The following LCMT1 variants were observed in gnomAD, a reference collection of about 807,000 sequenced individuals.
The protein encoded by LCMT1 is [Phosphatase 2A protein]-leucine-carboxy methyltransferase 1.
A neutral mutation model predicts 47.7 loss-of-function variants in LCMT1; 32 were observed. That is an observed-to-expected ratio of 0.67 (90% CI 0.51 to 0.90). LCMT1 has a LOEUF of 0.90. Among genes scored for constraint, LCMT1 ranks in the 40% least tolerant of loss-of-function variants. The pLI is 0.00. For synonymous variants in LCMT1, 152 were observed against 149.7 expected (o/e 1.02, Z -0.11); for missense variants, 375 against 415.2 (o/e 0.90, Z 0.84).
At chr16:25,150,752 T>G (rs1201502717) in intron 4 of LCMT1, among the ~76,000 whole-genome samples, 1 of 152,100 alleles carries the variant, frequency 6.6e-6, no homozygotes, top group Non-Finnish European at 1.5e-5. Flanking sequence ...AAACATTAAG[T>G]GTTTCAGCTG....
intron 2 of LCMT1, 24 bp downstream of exon 2, chr16:25,128,590 A>G (rs948207041): frequency 2.0e-5 from 31 of 1,524,588 alleles, no homozygotes; most frequent in Non-Finnish European, 2.7e-5. Context: ...TCCCTCCCCA[A>G]CAGCACCTCA....
rs139561054 is a variant in LCMT1, at chr16:25,169,729, G to A, written c.792+516G>A. ...TCATAGCATTTAATGCCCAGTTCAT[G>A]TTCAGTTTCCCCAGTTGTTTAAAAA... On this transcript the variant is annotated intron_variant, in intron 8 of 10. Coordinates refer to ENST00000399069, the MANE Select transcript of LCMT1 (RefSeq NM_016309.3). 5.1e-3 allele frequency among the ~76,000 whole-genome samples: 775 copies of A among 151,404 alleles called. 5 individuals carry two copies. The highest frequency in any genetic ancestry group is 0.018 in the African/African-American group (733 of 41,266).
At chr16:25,153,841 T>A (rs1331877340) in intron 5 of LCMT1, among the ~76,000 whole-genome samples, 1 of 151,702 alleles carries the variant, frequency 6.6e-6, no homozygotes, top group Non-Finnish European at 1.5e-5. Flanking sequence ...TAATCCCAGC[T>A]ATTTGGGAAG....
chr16:25,116,468 C>T (rs755960369), intron 1 of LCMT1, among the ~76,000 whole-genome samples: 3 of 151,984 alleles, frequency 2.0e-5, no homozygotes, highest in Non-Finnish European at 4.4e-5. Context: ...GTGGTCTGCG[C>T]GATTGTTTAT....
intron 10 of LCMT1, among the ~76,000 whole-genome samples, chr16:25,177,134 G>A (rs528420460): frequency 1.2e-5 from 1 of 86,046 alleles, no homozygotes; most frequent in Non-Finnish European, 2.7e-5. Flanking sequence ...GAGCTGAGAT[G>A]GCACCACTGT....
chr16:25,127,634 A>G (rs1196913675), intron 1 of LCMT1, among the ~76,000 whole-genome samples: 2 of 152,256 alleles, frequency 1.3e-5, no homozygotes, highest in Non-Finnish European at 2.9e-5. Context: ...AAATGGGGGC[A>G]TTACTCAGGG....
intron 5 of LCMT1, among the ~76,000 whole-genome samples, chr16:25,152,228 T>A (rs2141683508): frequency 6.6e-6 from 1 of 152,172 alleles, no homozygotes; most frequent in Non-Finnish European, 1.5e-5. Flanking sequence ...GGCAGTTGGG[T>A]TGGATGACAG....
chr16:25,158,276 C>G (rs1961320455), intron 5 of LCMT1, among the ~76,000 whole-genome samples: 1 of 152,222 alleles, frequency 6.6e-6, no homozygotes, highest in South Asian at 2.1e-4. Context: ...CTCAGCCTCT[C>G]AAGTAGCTGG....
intron 4 of LCMT1, chr16:25,145,007 C>G (rs1401830078): frequency 6.6e-6 from 1 of 152,164 alleles, no homozygotes; most frequent in Admixed American, 6.5e-5. Flanking sequence ...CTTTCTTCCC[C>G]CTTTTGGGTC....
chr16:25,153,354 G>A (rs1961136755), intron 5 of LCMT1, among the ~76,000 whole-genome samples: 1 of 152,244 alleles, frequency 6.6e-6, no homozygotes, highest in African/African-American at 2.4e-5. Flanking sequence ...GAAGTTTGAG[G>A]TTGAGGGGCC....
intron 7 of LCMT1, among the ~76,000 whole-genome samples, chr16:25,164,947 A>G (rs7342773): frequency 0.014 from 2,108 of 152,272 alleles, 46 homozygotes; most frequent in African/African-American, 0.048. Context: ...AAGATTTTCA[A>G]GTTCTTATTT....
At chr16:25,124,322 C>T (rs905041561) in intron 1 of LCMT1, among the ~76,000 whole-genome samples, 1 of 152,168 alleles carries the variant, frequency 6.6e-6, no homozygotes, top group Admixed American at 6.5e-5. Context: ...ATCATTTAAG[C>T]AACTCAGGTG....
intron 3 of LCMT1, among the ~76,000 whole-genome samples, chr16:25,135,307 A>G (rs1045324933): frequency 1.3e-5 from 2 of 150,900 alleles, no homozygotes; most frequent in African/African-American, 4.9e-5. Flanking sequence ...ATATATATAT[A>G]TAACATTTGT....
chr16:25,171,626 A>T (rs573321110), intron 9 of LCMT1, among the ~76,000 whole-genome samples: 1 of 152,340 alleles, frequency 6.6e-6, no homozygotes, highest in Admixed American at 6.5e-5. Context: ...GAAATTTTAC[A>T]TAATCCCTGC....
intron 5 of LCMT1, among the ~76,000 whole-genome samples, chr16:25,156,349 T>C (rs576204375): frequency 6.6e-6 from 1 of 152,362 alleles, no homozygotes; most frequent in South Asian, 2.1e-4. Flanking sequence ...CTGTAATCTC[T>C]GCACCAAGAG....
chr16:25,120,183 A>C (rs1226682999), intron 1 of LCMT1, among the ~76,000 whole-genome samples: 2 of 151,322 alleles, frequency 1.3e-5, no homozygotes, highest in African/African-American at 2.4e-5. Context: ...AAAAAACCCC[A>C]AAAAACCTTG....
intron 7 of LCMT1, among the ~76,000 whole-genome samples, chr16:25,165,984 C>T (rs1961576744): frequency 2.0e-5 from 3 of 151,778 alleles, no homozygotes; most frequent in East Asian, 3.9e-4. Flanking sequence ...TTGTTTTGAA[C>T]TGGGTGGGTG....
chr16:25,133,222 T>C (rs2141652368), intron 3 of LCMT1, among the ~76,000 whole-genome samples: 1 of 152,136 alleles, frequency 6.6e-6, no homozygotes, highest in Non-Finnish European at 1.5e-5. Context: ...TGGGTAAAAT[T>C]TGGAGATTCA....
intron 9 of LCMT1, 162 bp from the exon 10 acceptor site, chr16:25,174,775 G>T (rs1961877314): frequency 5.0e-6 from 2 of 397,782 alleles, no homozygotes; most frequent in South Asian, 8.3e-5. Context: ...CTTCTTTTCA[G>T]TGAAAAGACA....
Sources: gnomAD v4.1 joint callset for allele counts (sites outside exome capture counted in the v4.1 genomes callset) on GRCh38, gnomAD v4.1.1 for gene constraint, MANE v1.5 for transcripts, NCBI Gene and HGNC (gene_info 2026-07-23, HGNC 2026-07-21) for gene names.